GANC: variants seen among roughly 807,000 people sequenced by gnomAD.
GANC encodes neutral alpha-glucosidase C.
Under a neutral mutation model 124.2 loss-of-function variants are expected in GANC, and 117 were observed. The observed-to-expected ratio is 0.94, with a 90% CI of 0.81 to 1.10. The LOEUF (loss-of-function observed/expected upper bound fraction) is 1.10, where lower values mean the gene tolerates loss of function less well. GANC is among the 50% of genes least tolerant of loss of function. The pLI is 0.00. For synonymous variants in GANC, 377 were observed against 376.8 expected (o/e 1.00, Z -0.01); for missense variants, 1,140 against 1,095.0 (o/e 1.04, Z -0.58).
chr15:42,302,401 C>T (rs937395308), intron 6 of GANC, among the ~76,000 whole-genome samples: 1 of 152,158 alleles, frequency 6.6e-6, no homozygotes, highest in African/African-American at 2.4e-5. Context: ...AAGGAAAAAC[C>T]AGCGCAAAAG....
chr15:42,305,497 G>C (rs1174307690), intron 6 of GANC, among the ~76,000 whole-genome samples: 1 of 152,230 alleles, frequency 6.6e-6, no homozygotes. Context: ...TACACTGTTG[G>C]TGGGAGTGTA....
intron 6 of GANC, 70 bp from the exon 7 acceptor site, chr15:42,306,476 A>G: frequency 8.5e-7 from 1 of 1,180,266 alleles, no homozygotes; most frequent in South Asian, 1.4e-5. Flanking sequence ...TCCAAATAAA[A>G]TGAGCTATTG....
At chr15:42,349,573 AG>A in intron 22 of GANC, 78 bp downstream of exon 22, 1 of 828,546 alleles carries the variant, frequency 1.2e-6, no homozygotes. Context: ...TCAAATGCAC[AG>A]GTATGTTTTA....
chr15:42,286,010 GT>G (rs879779789), intron 3 of GANC, among the ~76,000 whole-genome samples: 147 of 144,524 alleles, frequency 1.0e-3, no homozygotes, highest in East Asian at 2.4e-3. Flanking sequence ...ACAAAAATTA[GT>G]TTTTTTTTTT....
chr15:42,314,134 G>A (rs756781929), intron 10 of GANC: 2 of 756,996 alleles, frequency 2.6e-6, no homozygotes, highest in South Asian at 1.4e-5. Flanking sequence ...AAGGAAAGAA[G>A]TTGAAAGCAT....
At chr15:42,279,889 G>C (rs772503050) in intron 3 of GANC, among the ~76,000 whole-genome samples, 1 of 152,150 alleles carries the variant, frequency 6.6e-6, no homozygotes, top group African/African-American at 2.4e-5. Context: ...ACTGATATTC[G>C]TGGGTTCTCC....
chr15:42,306,691 C>A, intron 7 of GANC, 79 bp downstream of exon 7: 1 of 946,440 alleles, frequency 1.1e-6, no homozygotes, highest in Non-Finnish European at 1.6e-6. Context: ...GCCCCTTGAT[C>A]TCTGGCACCT....
chr15:42,292,041 A>G (rs1431093393), intron 4 of GANC, among the ~76,000 whole-genome samples: 1 of 152,190 alleles, frequency 6.6e-6, no homozygotes, highest in Non-Finnish European at 1.5e-5. Context: ...GACACTGTGC[A>G]CTGGAGAAAG....
At chr15:42,279,153 A>G (rs76940973) in intron 3 of GANC, among the ~76,000 whole-genome samples, 1 of 152,316 alleles carries the variant, frequency 6.6e-6, no homozygotes, top group Non-Finnish European at 1.5e-5. Flanking sequence ...TAGTCTTCGT[A>G]ACACATCTAA....
chr15:42,305,258 A>C (rs935186759), intron 6 of GANC, among the ~76,000 whole-genome samples: 3 of 152,112 alleles, frequency 2.0e-5, no homozygotes, highest in Admixed American at 1.3e-4. Context: ...TTAAAATTAC[A>C]AGAAAAAAAC....
At chr15:42,321,648 G>A in intron 10 of GANC, 137 bp from the exon 11 acceptor site, 1 of 745,494 alleles carries the variant, frequency 1.3e-6, no homozygotes, top group Non-Finnish European at 2.2e-6. Flanking sequence ...TTAAAGGCAA[G>A]GACTGTGCTT....
chr15:42,278,270 A>G (rs972363230), intron 2 of GANC, among the ~76,000 whole-genome samples: 3 of 152,236 alleles, frequency 2.0e-5, no homozygotes, highest in African/African-American at 7.2e-5. Flanking sequence ...TATAATAATC[A>G]ATTGTATTAG....
chr15:42,306,536 G>A lies in GANC; in HGVS notation c.559-10G>A, dbSNP rs1259186994. ...GTAAACTCAGTTTGCTCCCTTTTTT[G>A]TACCAACAGGAAAATCAAGAAGATC... is the stretch of plus-strand genomic sequence containing the variant. On this transcript the variant is annotated splice_polypyrimidine_tract_variant and intron_variant, in intron 6 of 23. Transcript: ENST00000318010. The A allele has an allele frequency of 1.9e-6, 3 of 1,604,456 alleles. No individual in the cohort carries two copies. The highest frequency in any genetic ancestry group is 2.5e-6 in the Non-Finnish European group (3 of 1,176,880).
At chr15:42,348,067 G>A in intron 20 of GANC, 36 bp from the exon 21 acceptor site, 2 of 1,163,720 alleles carry the variant, frequency 1.7e-6, no homozygotes, top group Non-Finnish European at 2.5e-6. Flanking sequence ...TTTCTTATAT[G>A]AATACTGCTT....
chr15:42,333,335 A>T (rs2052260950), intron 15 of GANC, among the ~76,000 whole-genome samples: 7 of 152,100 alleles, frequency 4.6e-5, no homozygotes, highest in Admixed American at 4.6e-4. Flanking sequence ...CTCAAAAAAA[A>T]AAAGAATTTT....
chr15:42,311,961 C>T (rs1239837922), intron 10 of GANC, among the ~76,000 whole-genome samples: 1 of 152,074 alleles, frequency 6.6e-6, no homozygotes, highest in Non-Finnish European at 1.5e-5. Context: ...CCTAGGAATA[C>T]ACTTAACAAA....
intron 4 of GANC, among the ~76,000 whole-genome samples, chr15:42,289,723 C>T (rs2051823652): frequency 6.6e-6 from 1 of 152,174 alleles, no homozygotes; most frequent in South Asian, 2.1e-4. Context: ...GAATGGGATA[C>T]TACTGTTACA....
chr15:42,273,222 C>G lies in GANC; in HGVS notation c.-1260C>G, dbSNP rs759403180. ...CGCCGTAGCCCCACCCCTTGCTCCT[C>G]TAGGTTCAGACGTTAGTGAAGTGAA... On this transcript the variant is annotated 5_prime_UTR_variant, in exon 1 of 24. Transcript: ENST00000318010. The G allele has an allele frequency of 1.9e-6, 3 of 1,612,862 alleles. No homozygotes were observed. Among genetic ancestry groups the G allele is most frequent in the Non-Finnish European group, 2.5e-6 (3 of 1,179,104 alleles).
chr15:42,309,540 G>A (rs936196323), intron 8 of GANC, among the ~76,000 whole-genome samples: 7 of 151,758 alleles, frequency 4.6e-5, no homozygotes, highest in Admixed American at 2.0e-4. Flanking sequence ...GGATGGTCTC[G>A]ATCTCTTGAC....
Sources: gnomAD v4.1 joint callset for allele counts (sites outside exome capture counted in the v4.1 genomes callset) on GRCh38, gnomAD v4.1.1 for gene constraint, MANE v1.5 for transcripts, NCBI Gene and HGNC (gene_info 2026-07-23, HGNC 2026-07-21) for gene names.